KIAA2012: variants seen among roughly 807,000 people sequenced by gnomAD.
The protein encoded by KIAA2012 is KIAA2012.
Under a neutral mutation model 150.6 loss-of-function variants are expected in KIAA2012, and 125 were observed. That is an observed-to-expected ratio of 0.83 (90% CI 0.72 to 0.96). The LOEUF is 0.96. KIAA2012 is among the 40% of genes least tolerant of loss of function. The pLI, the probability that KIAA2012 is intolerant of heterozygous loss-of-function variation, is 0.00. For missense variants in KIAA2012, 1,219 were observed against 1,354.9 expected, an observed-to-expected ratio of 0.90 and a Z score of 1.57; for synonymous variants, 462 against 504.7, an observed-to-expected ratio of 0.92 and a Z score of 1.13.
chr2:202,203,462 G>C (rs1475773577), intron 23 of KIAA2012, among the ~76,000 whole-genome samples: 2 of 152,084 alleles, frequency 1.3e-5, no homozygotes, highest in East Asian at 1.9e-4. Context: ...TCACATCCTC[G>C]AAGTATAGAT....
intron 22 of KIAA2012, among the ~76,000 whole-genome samples, chr2:202,200,931 C>A (rs1298581507): frequency 6.6e-6 from 1 of 152,024 alleles, no homozygotes; most frequent in Non-Finnish European, 1.5e-5. Flanking sequence ...GTCTCGAACT[C>A]CCGACCTCAA....
intron 4 of KIAA2012, 47 bp downstream of exon 4, chr2:202,093,232 T>C (rs780055650): frequency 1.3e-6 from 2 of 1,535,410 alleles, no homozygotes; most frequent in South Asian, 1.2e-5. Flanking sequence ...TCTCAGATAT[T>C]TGAATTGTTA....
At chr2:202,160,033 T>G (rs1691615516) in intron 14 of KIAA2012, among the ~76,000 whole-genome samples, 1 of 152,152 alleles carries the variant, frequency 6.6e-6, no homozygotes, top group South Asian at 2.1e-4. Flanking sequence ...AATCTTCCTG[T>G]CACCCTTCCC....
chr2:202,188,330 A>G (rs911841864), intron 18 of KIAA2012, 64 bp downstream of exon 18: 77 of 1,290,176 alleles, frequency 6.0e-5, no homozygotes, highest in South Asian at 4.8e-4. Flanking sequence ...GGGAGGTGGT[A>G]TGGATAATTA....
At chr2:202,111,123 G>A (rs1250398545) in intron 10 of KIAA2012, among the ~76,000 whole-genome samples, 3 of 152,106 alleles carry the variant, frequency 2.0e-5, no homozygotes, top group African/African-American at 7.2e-5. Flanking sequence ...CTAGGAAGTT[G>A]CATGGCCTGG....
chr2:202,128,502 GCTCAAGCCATCTT>G (rs773221452), intron 12 of KIAA2012, among the ~76,000 whole-genome samples: 31 of 151,818 alleles, frequency 2.0e-4, no homozygotes, highest in Non-Finnish European at 3.7e-4. Context: ...CAACTTCTGG[GCTCAAGCCATCTT>G]CTCACCTTGG....
chr2:202,180,498 GA>G (rs1238456478), intron 15 of KIAA2012, among the ~76,000 whole-genome samples: 2 of 152,080 alleles, frequency 1.3e-5, no homozygotes, highest in Non-Finnish European at 2.9e-5. Context: ...CCTTTAATCA[GA>G]AATATGAACA....
intron 12 of KIAA2012, among the ~76,000 whole-genome samples, chr2:202,130,064 C>T (rs1690896172): frequency 6.6e-6 from 1 of 152,110 alleles, no homozygotes; most frequent in African/African-American, 2.4e-5. Context: ...TACATAGATA[C>T]ATACACATGC....
chr2:202,133,671 A>C (rs1691007254), intron 12 of KIAA2012, among the ~76,000 whole-genome samples: 1 of 152,194 alleles, frequency 6.6e-6, no homozygotes, highest in Non-Finnish European at 1.5e-5. Flanking sequence ...GGCCTCCAGC[A>C]ACTATTCCCT....
At chr2:202,095,524 T>G (rs1265395588) in intron 4 of KIAA2012, among the ~76,000 whole-genome samples, 1 of 152,220 alleles carries the variant, frequency 6.6e-6, no homozygotes, top group Non-Finnish European at 1.5e-5. Flanking sequence ...CTGGATTATC[T>G]GAATCCATGC....
At chr2:202,132,747 A>ATAGTATATATGTGTATATAT (rs373235755) in intron 12 of KIAA2012, among the ~76,000 whole-genome samples, 1 of 104,370 alleles carries the variant, frequency 9.6e-6, no homozygotes, top group African/African-American at 3.8e-5. Flanking sequence ...GTATATATAT[A>ATAGTATATATGTGTATATAT]GTATATATGT....
chr2:202,146,173 C>T (rs4517955), intron 13 of KIAA2012, among the ~76,000 whole-genome samples: 1 of 152,124 alleles, frequency 6.6e-6, no homozygotes, highest in Admixed American at 6.5e-5. Flanking sequence ...TTAAAGAGGC[C>T]TAGTCATTTG....
chr2:202,099,521 A>T (rs561108650), intron 5 of KIAA2012, 92 bp from the exon 6 acceptor site: 1 of 1,039,158 alleles, frequency 9.6e-7, no homozygotes, highest in Non-Finnish European at 1.4e-6. Flanking sequence ...CATCCTTGAA[A>T]CCATAAGCCT....
At chr2:202,114,179 C>T (rs994732863) in intron 11 of KIAA2012, 6 of 152,256 alleles carry the variant, frequency 3.9e-5, no homozygotes, top group African/African-American at 1.4e-4. Flanking sequence ...TCTAAGTTGC[C>T]AGATGACTTT....
intron 2 of KIAA2012, among the ~76,000 whole-genome samples, chr2:202,079,273 C>A (rs80026316): frequency 1.1e-4 from 17 of 152,236 alleles, no homozygotes; most frequent in Admixed American, 3.9e-4. Flanking sequence ...ATAACCACAC[C>A]ATCTGTCCAT....
Position 202,178,998 on chromosome 2 carries a change from A to G in KIAA2012, c.2120-5755A>G, listed in dbSNP as rs555516071. 2.0e-4 allele frequency: 57 copies of G among 278,522 alleles called. No homozygotes were observed. In the Admixed American group the frequency reaches 2.2e-3, roughly 11 times the overall value. 17.3% of individuals were successfully genotyped at this position (278,522 alleles called of 1,614,324 possible). A position where few individuals can be genotyped will look rare whatever the true frequency, so the allele number is the denominator to read the frequency against. ...ACTTTTTCTTTTCAAATCTTTCTTTAAAAGTATAACATCTTCAAATAAAAC... is the reference window on the plus strand; with the variant it reads ...ACTTTTTCTTTTCAAATCTTTCTTTGAAAGTATAACATCTTCAAATAAAAC... On this transcript the variant is annotated intron_variant, in intron 15 of 23. Transcript: ENST00000498697.
chr2:202,082,161 A>C (rs931908389), intron 2 of KIAA2012, among the ~76,000 whole-genome samples: 1 of 151,928 alleles, frequency 6.6e-6, no homozygotes, highest in Non-Finnish European at 1.5e-5. Context: ...CCATTTTTTA[A>C]GTGGGTTGTT....
At chr2:202,180,153 C>G (rs1574309379) in intron 15 of KIAA2012, among the ~76,000 whole-genome samples, 1 of 152,114 alleles carries the variant, frequency 6.6e-6, no homozygotes, top group African/African-American at 2.4e-5. Flanking sequence ...TGCCTATAAT[C>G]CCAGCTATTC....
chr2:202,150,340 T>C (rs969355548), intron 13 of KIAA2012, among the ~76,000 whole-genome samples: 1 of 152,236 alleles, frequency 6.6e-6, no homozygotes, highest in Non-Finnish European at 1.5e-5. Context: ...CAGTACAATA[T>C]AGGTGAAGGG....
Sources: allele counts gnomAD v4.1 joint callset (sites outside exome capture counted in the v4.1 genomes callset), GRCh38; gene constraint gnomAD v4.1.1; transcripts MANE v1.5; gene names NCBI Gene and HGNC (gene_info 2026-07-23, HGNC 2026-07-21).